Variants in PRPS2 observed in about 807,000 individuals in gnomAD.
PRPS2 encodes the protein phosphoribosyl pyrophosphate synthetase 2.
For missense variants in PRPS2, 104 were observed against 271.5 expected, an observed-to-expected ratio of 0.38 and a Z score of 4.34; for synonymous variants, 111 against 115.3, an observed-to-expected ratio of 0.96 and a Z score of 0.24.
intron 2 of PRPS2, 46 bp from the exon 3 acceptor site, chrX:12,809,188 C>G: frequency 9.1e-7 from 1 of 1,099,039 alleles, no homozygotes; most frequent in Non-Finnish European, 1.2e-6. Context: ...AGGAATCTAA[C>G]AGTATCCATC....
chrX:12,810,658 G>C (rs1311917438), intron 4 of PRPS2, among the ~76,000 whole-genome samples: 2 of 110,618 alleles, frequency 1.8e-5, no homozygotes, highest in African/African-American at 3.3e-5. Flanking sequence ...CTGGTGGCTT[G>C]GGTTTTAATA....
chrX:12,798,632 G>A (rs914964051), intron 1 of PRPS2, among the ~76,000 whole-genome samples: 1 of 112,012 alleles, frequency 8.9e-6, no homozygotes, highest in Non-Finnish European at 1.9e-5. Flanking sequence ...GTATTTTGCA[G>A]AAAAGAGTTA....
Position 12,791,522 on chromosome X carries a change from G to A in PRPS2, c.25G>A (p.Gly9Ser). MPNIVLFS[G>S]SSHQDLSQRV... ...CATGCCCAACATCGTGCTGTTCAGC[G>A]GCAGCTCGCATCAGGACCTGTCCCA... The change falls in exon 1 of 7, where the codon GGC becomes AGC. Residue 9 changes from glycine (G) to serine (S), a missense_variant. Gly to Ser is a moderately conservative substitution (Grantham distance 56). Transcript: ENST00000380668. 8.3e-7 allele frequency: 1 copy of A among 1,206,239 alleles called. No individual in the cohort carries two copies.
At position 12,791,458 on chromosome X, in the gene PRPS2, C is replaced by A. The variant is rs1486173813; in HGVS notation, c.-40C>A. On this transcript the variant is annotated 5_prime_UTR_variant, in exon 1 of 7. Transcript: ENST00000380668. ...GCTGTCGCTGTTGCCTCCGCCACCT[C>A]CTCCGCCGCCGCGCGCCCCTCGGAG... 2.5e-6 allele frequency: 3 copies of A among 1,186,935 alleles called. No homozygotes were observed. The highest frequency in any genetic ancestry group is 3.4e-6 in the Non-Finnish European group (3 of 882,742).
intron 6 of PRPS2, among the ~76,000 whole-genome samples, chrX:12,821,165 A>G (rs776866471): frequency 8.9e-6 from 1 of 112,341 alleles, no homozygotes; most frequent in African/African-American, 3.2e-5. Context: ...AGACATGTTC[A>G]TAGCAGCACT....
chrX:12,806,764 A>G (rs1055093850), intron 2 of PRPS2, among the ~76,000 whole-genome samples: 5 of 112,355 alleles, frequency 4.5e-5, no homozygotes, highest in African/African-American at 1.6e-4. Flanking sequence ...GTAACAAAAT[A>G]CCACACACTG....
chrX:12,798,229 T>A (rs2147214834), intron 1 of PRPS2, among the ~76,000 whole-genome samples: 1 of 112,409 alleles, frequency 8.9e-6, no homozygotes, highest in Non-Finnish European at 1.9e-5. Context: ...AAAAAGAAAA[T>A]ACAAGCATTC....
At chrX:12,795,136 C>G (rs2042537195) in intron 1 of PRPS2, among the ~76,000 whole-genome samples, 1 of 111,416 alleles carries the variant, frequency 9.0e-6, no homozygotes, top group African/African-American at 3.3e-5. Context: ...TCTGCTGTCT[C>G]CCTCTTGCAT....
intron 1 of PRPS2, among the ~76,000 whole-genome samples, chrX:12,792,158 C>A (rs952753192): frequency 1.8e-4 from 20 of 112,751 alleles, no homozygotes; most frequent in African/African-American, 6.4e-4. Flanking sequence ...ACGGTCCGAA[C>A]GCTGCTTCCC....
At chrX:12,806,897 T>G (rs2042596182) in intron 2 of PRPS2, among the ~76,000 whole-genome samples, 1 of 111,531 alleles carries the variant, frequency 9.0e-6, no homozygotes, top group African/African-American at 3.3e-5. Flanking sequence ...GAGACCAGTC[T>G]GACCAACATG....
chrX:12,822,161 T>A (rs1290359692), intron 6 of PRPS2, among the ~76,000 whole-genome samples: 1 of 112,194 alleles, frequency 8.9e-6, no homozygotes, highest in Non-Finnish European at 1.9e-5. Context: ...CAAATTTTTA[T>A]CAGAGCACAG....
chrX:12,811,797 G>A (rs2042625314), intron 4 of PRPS2, among the ~76,000 whole-genome samples: 2 of 111,968 alleles, frequency 1.8e-5, no homozygotes, highest in Admixed American at 9.4e-5. Flanking sequence ...GGAAACACAG[G>A]CCCTGATTCT....
chrX:12,796,643 G>A (rs2042545264), intron 1 of PRPS2, among the ~76,000 whole-genome samples: 1 of 111,313 alleles, frequency 9.0e-6, no homozygotes, highest in Non-Finnish European at 1.9e-5. Context: ...TAAATTTACA[G>A]ACAATTCTGC....
rs1425029400 is a variant in PRPS2, at chrX:12,822,955, T to C, written c.*159T>C. The stretch of plus-strand genomic sequence containing the variant: ...GATTTATTGTTTCCCCTTCTAAAGC[T>C]CAAGATCATTTCTTTCCAGTTTTTG... On this transcript the variant is annotated 3_prime_UTR_variant, in exon 7 of 7. Coordinates refer to ENST00000380668, the MANE Select transcript of PRPS2 (RefSeq NM_002765.5). 16 of 441,415 alleles carry C rather than the reference T, an allele frequency of 3.6e-5. No homozygotes were observed. The highest frequency in any genetic ancestry group is 5.8e-5 in the Non-Finnish European group (15 of 258,049). The allele number at this position is 441,415 out of a possible 1,213,427, so 36.4% of individuals were successfully genotyped here.
chrX:12,795,965 G>A (rs2042540896), intron 1 of PRPS2, among the ~76,000 whole-genome samples: 1 of 112,310 alleles, frequency 8.9e-6, no homozygotes, highest in Non-Finnish European at 1.9e-5. Context: ...ATAGTAGAAG[G>A]CGTGCAAGAA....
At chrX:12,810,428 G>C (rs1253288552) in intron 4 of PRPS2, 2 of 289,541 alleles carry the variant, frequency 6.9e-6, no homozygotes, top group African/African-American at 2.8e-5. Context: ...GTTTTTTTAA[G>C]TTATCGTTTT....
At chrX:12,808,267 A>G (rs2042604227) in intron 2 of PRPS2, among the ~76,000 whole-genome samples, 1 of 99,239 alleles carries the variant, frequency 1.0e-5, no homozygotes, top group Non-Finnish European at 2.0e-5. Context: ...TCCTTCCTGC[A>G]TGTGTTTTTA....
chrX:12,797,727 C>T (rs2042551340), intron 1 of PRPS2, among the ~76,000 whole-genome samples: 1 of 112,219 alleles, frequency 8.9e-6, no homozygotes, highest in Non-Finnish European at 1.9e-5. Context: ...AAGGACATGC[C>T]TGAGCACACA....
At position 12,791,628 on chromosome X, in the gene PRPS2, C is replaced by A; in HGVS notation, c.122+9C>A. On this transcript the variant is annotated intron_variant, in intron 1 of 6. Coordinates refer to ENST00000380668, the MANE Select transcript of PRPS2 (RefSeq NM_002765.5). ...AGCAACCAGGAGACCAGGTGGGGGC[C>A]GCGCCGGCGGCCGGGCTAGGGAGAG... is the stretch of plus-strand genomic sequence containing the variant. 2 of 1,129,969 alleles carry A rather than the reference C, an allele frequency of 1.8e-6. No homozygotes were observed. Among genetic ancestry groups the A allele is most frequent in the Non-Finnish European group, 2.3e-6 (2 of 854,834 alleles). The allele number at this position is 1,129,969 out of a possible 1,213,427, so 93.1% of individuals were successfully genotyped here. A position where few individuals can be genotyped will look rare whatever the true frequency, so the allele number is the denominator to read the frequency against.
Sources: allele counts gnomAD v4.1 joint callset (sites outside exome capture counted in the v4.1 genomes callset), GRCh38; gene constraint gnomAD v4.1.1; transcripts MANE v1.5; gene names NCBI Gene and HGNC (gene_info 2026-07-23, HGNC 2026-07-21).